The following ZNF483 variants were observed in gnomAD, a reference collection of about 807,000 sequenced individuals.
The protein encoded by ZNF483 is zinc finger protein HIT-10.
Under a neutral mutation model 28.6 loss-of-function variants are expected in ZNF483, and 9 were observed. That is an observed-to-expected ratio of 0.32 (90% confidence interval 0.19 to 0.55). The LOEUF (loss-of-function observed/expected upper bound fraction) is 0.55. Among genes scored for constraint, ZNF483 ranks in the 20% least tolerant of loss-of-function variants. The pLI, the probability that ZNF483 is intolerant of heterozygous loss-of-function variation, is 0.93. For synonymous variants in ZNF483, 322 were observed against 306.2 expected, an observed-to-expected ratio of 1.05 and a Z score of -0.54; for missense variants, 675 against 871.7, an observed-to-expected ratio of 0.77 and a Z score of 2.84.
intron 5 of ZNF483, among the ~76,000 whole-genome samples, chr9:111,538,333 A>T (rs1393732850): frequency 6.6e-6 from 1 of 152,034 alleles, no homozygotes; most frequent in Non-Finnish European, 1.5e-5. Context: ...TGGGCAGCAT[A>T]GTGAGACCCT....
At chr9:111,531,071 G>A (rs1013265700) in intron 3 of ZNF483, 108 bp downstream of exon 3, 20 of 338,900 alleles carry the variant, frequency 5.9e-5, no homozygotes, top group African/African-American at 2.0e-4. Context: ...GCTTACACCT[G>A]TAATCCCAGC....
chr9:111,527,607 G>A lies in ZNF483; in HGVS notation c.212G>A (p.Ser71Asn), dbSNP rs1827214066. 4 of 1,614,204 alleles carry A rather than the reference G, an allele frequency of 2.5e-6. No homozygotes were observed. Among genetic ancestry groups the A allele is most frequent in the Non-Finnish European group, 3.4e-6 (4 of 1,180,040 alleles). The change falls in exon 2 of 6, where the codon AGT becomes AAT. Residue 71 changes from serine to asparagine, a missense_variant. Ser to Asn is a conservative substitution (Grantham distance 46). This residue lies in a region of ZNF483 where 525 missense variants were observed against 581.8 expected (regional missense o/e 0.90). Transcript: ENST00000309235. ...SEVAGPRKAL[S>N]QLWELCNQWL... ...GTAGCTGGACCCAGGAAAGCTCTGA[G>A]TCAACTCTGGGAGCTCTGCAATCAG...
At chr9:111,537,141 G>T (rs940274379) in intron 5 of ZNF483, among the ~76,000 whole-genome samples, 1 of 151,974 alleles carries the variant, frequency 6.6e-6, no homozygotes, top group African/African-American at 2.4e-5. Flanking sequence ...AAATAGGAGG[G>T]AACCGCAAGA....
In ZNF483 at chr9:111,544,598, A is replaced by C. The variant is rs2132264047; in HGVS notation, c.*1428A>C. ...CCCACTGTATGAATGTTCTATTATA[A>C]CCCCTACCATTTGGAGAATAGATAC... On this transcript the variant is annotated 3_prime_UTR_variant, in exon 6 of 6. Transcript: ENST00000309235. Among the ~76,000 whole-genome samples the C allele has an allele frequency of 6.6e-6, 1 of 152,172 alleles. No homozygotes were observed. The highest frequency in any genetic ancestry group is 2.1e-4 in the South Asian group (1 of 4,818).
At chr9:111,564,636 A>T (rs1023302005) in intron 5 of ZNF483, among the ~76,000 whole-genome samples, 1 of 151,864 alleles carries the variant, frequency 6.6e-6, no homozygotes, top group African/African-American at 2.4e-5. Context: ...GAAAGCCCCA[A>T]CTCATTCTTA....
intron 5 of ZNF483, chr9:111,575,433 T>A (rs1829016491): frequency 6.6e-6 from 1 of 152,230 alleles, no homozygotes; most frequent in Non-Finnish European, 1.5e-5. Flanking sequence ...TGTCTTATAA[T>A]TTAAAGGTAT....
At chr9:111,564,859 C>T (rs1828484816) in intron 5 of ZNF483, among the ~76,000 whole-genome samples, 2 of 152,030 alleles carry the variant, frequency 1.3e-5, no homozygotes, top group South Asian at 2.1e-4. Flanking sequence ...CGCAGTGGCT[C>T]ATGTCTGTAA....
chr9:111,537,300 C>T (rs746143201), intron 5 of ZNF483, among the ~76,000 whole-genome samples: 5 of 151,984 alleles, frequency 3.3e-5, no homozygotes, highest in Non-Finnish European at 5.9e-5. Flanking sequence ...CAGCTCACTG[C>T]AGCCTCCACC....
intron 3 of ZNF483, 35 bp downstream of exon 3, chr9:111,530,998 A>G: frequency 9.1e-7 from 1 of 1,104,586 alleles, no homozygotes; most frequent in Non-Finnish European, 1.3e-6. Flanking sequence ...TTCCTAAGTG[A>G]ATACTTAATT....
downstream of ZNF483, among the ~76,000 whole-genome samples, chr9:111,558,410 G>A (rs1364385505): frequency 6.6e-6 from 1 of 152,154 alleles, no homozygotes; most frequent in African/African-American, 2.4e-5. Flanking sequence ...GGGCATGGTG[G>A]CACATGCCTG....
At chr9:111,561,110 T>TAG (rs1159365134) in intron 5 of ZNF483, among the ~76,000 whole-genome samples, 306 of 19,182 alleles carry the variant, frequency 0.016, 32 homozygotes, top group Admixed American at 0.051. Flanking sequence ...TATATATATA[T>TAG]AGAGAGAGAG....
chr9:111,530,788 TATATATATATATAC>T (rs1174319203), intron 2 of ZNF483, 73 bp from the exon 3 acceptor site: 1,607 of 81,806 alleles, frequency 0.02, 77 homozygotes, highest in African/African-American at 0.023. Flanking sequence ...TATATATATA[TATATATATATATAC>T]ATATATATAT....
rs1273405479 is a variant in ZNF483, at chr9:111,544,681, A to G, written c.*1511A>G. 6.6e-6 allele frequency among the ~76,000 whole-genome samples: 1 copy of G among 152,218 alleles called. No homozygotes were observed. The highest frequency in any genetic ancestry group is 2.4e-5 in the African/African-American group (1 of 41,458). ...GTAAAGTTCAGGGAATGAATGTAGA[A>G]TTGATACAGAAAAAATTTTCAGTTA... is the stretch of plus-strand genomic sequence containing the variant. On this transcript the variant is annotated 3_prime_UTR_variant, in exon 6 of 6. Coordinates refer to ENST00000309235, the MANE Select transcript of ZNF483 (RefSeq NM_133464.5).
chr9:111,550,949 C>T lies in ZNF483; in HGVS notation c.*7779C>T, dbSNP rs144185330. On this transcript the variant is annotated 3_prime_UTR_variant, in exon 6 of 6. Transcript: ENST00000309235. ...TTCTGTCTCTCACACTGGAGGCTTTCCTGAAGCCTCTGATGATCTTTGACT... is the reference window on the plus strand; with the variant it reads ...TTCTGTCTCTCACACTGGAGGCTTTTCTGAAGCCTCTGATGATCTTTGACT... 2.5e-3 allele frequency among the ~76,000 whole-genome samples: 378 copies of T among 152,244 alleles called. 1 individual carries two copies. The highest frequency in any genetic ancestry group is 7.5e-3 in the African/African-American group (310 of 41,540).
intron 3 of ZNF483, among the ~76,000 whole-genome samples, chr9:111,531,933 T>G (rs1235676827): frequency 1.3e-5 from 2 of 152,314 alleles, no homozygotes; most frequent in East Asian, 3.9e-4. Context: ...GTCCTCTCCC[T>G]TGGCCTCCCA....
rs1295263462 is a variant in ZNF483, at chr9:111,525,198, CT to C, written c.-192del. 3.3e-5 allele frequency: 5 copies of C among 152,300 alleles called. No individual in the cohort carries two copies. The highest frequency in any genetic ancestry group is 1.3e-4 in the Admixed American group (2 of 15,286). The allele number at this position is 152,300 out of a possible 1,614,324, so 9.4% of individuals were successfully genotyped here. A position where few individuals can be genotyped will look rare whatever the true frequency, so the allele number is the denominator to read the frequency against. On this transcript the variant is annotated 5_prime_UTR_variant, in exon 1 of 6. Transcript: ENST00000309235. ...TCCCGCAGGCTTGCGCGCGCACTCG[CT>C]GCGGGACAAGCTTCTGGAAGCTCTT...
Position 111,534,244 on chromosome 9 carries a change from C to CT in ZNF483, c.629-13dup, listed in dbSNP as rs775744134. On this transcript the variant is annotated splice_polypyrimidine_tract_variant and intron_variant, in intron 4 of 5. Transcript: ENST00000309235. ...CTATGCAAAACAGCAATTTTCTGTT[C>CT]TTTTCTCTATGAGCAGACTTTCCAG... The CT allele has an allele frequency of 6.2e-7, 1 of 1,610,172 alleles. No homozygotes were observed. Among genetic ancestry groups the CT allele is most frequent in the Non-Finnish European group, 8.5e-7 (1 of 1,176,742 alleles).
At position 111,575,231 on chromosome 9, in the gene ZNF483, G is replaced by T. The variant is rs139562698; in HGVS notation, c.722-1134G>T. ...GCAGGAGAACTGCTTGAACCCAGGA[G>T]GCGGAGGTTGCATTGAGCTGAGATC... On this transcript the variant is annotated intron_variant, in intron 5 of 5. Coordinates refer to the ZNF483 transcript ENST00000358151. The T allele has an allele frequency of 8.2e-3, 1,295 of 158,164 alleles. 23 individuals are homozygous for T. The highest frequency in any genetic ancestry group is 0.029 in the African/African-American group (1,197 of 41,606). The allele number at this position is 158,164 out of a possible 1,614,324, so 9.8% of individuals were successfully genotyped here.
chr9:111,544,375 TACA>T lies in ZNF483; in HGVS notation c.*1206_*1208del. 5 of 977,090 alleles carry T rather than the reference TACA, an allele frequency of 5.1e-6. No individual in the cohort carries two copies. The highest frequency in any genetic ancestry group is 6.1e-6 in the Non-Finnish European group (5 of 823,114). 60.5% of individuals were successfully genotyped at this position (977,090 alleles called of 1,614,324 possible). On this transcript the variant is annotated 3_prime_UTR_variant, in exon 6 of 6. Transcript: ENST00000309235. The stretch of plus-strand genomic sequence containing the variant: ...GTGTGTGTGTGTGTGTGTGTGTGTA[TACA>T]TTGTTGCCACTATCTAAAATTAGGG...
Sources: gnomAD v4.1 joint callset for allele counts (sites outside exome capture counted in the v4.1 genomes callset) on GRCh38, gnomAD v4.1.1 for gene constraint, gnomAD v4.1.1 regional missense constraint, MANE v1.5 for transcripts, NCBI Gene and HGNC (gene_info 2026-07-23, HGNC 2026-07-21) for gene names.